Variants in SPSB4 observed in about 807,000 individuals in gnomAD.
The protein encoded by SPSB4 is SPRY domain-containing SOCS box protein 4.
Under a neutral mutation model 20.9 loss-of-function variants are expected in SPSB4, and 21 were observed. The ratio of observed to expected loss-of-function variants is 1.01; its 90% CI spans 0.71 to 1.45. The LOEUF (loss-of-function observed/expected upper bound fraction) is 1.45, where lower values mean the gene tolerates loss of function less well. SPSB4 is among the 40% of genes most tolerant of loss of function. The probability of loss-of-function intolerance (pLI) is 0.00; values close to 1 mark genes in which losing one functional copy is unlikely to be tolerated. For missense variants in SPSB4, 399 were observed against 399.2 expected (o/e 1.00, Z 0.00); for synonymous variants, 207 against 183.8 (o/e 1.13, Z -1.02).
At chr3:141,104,131 G>A (rs1938653057) in intron 2 of SPSB4, among the ~76,000 whole-genome samples, 1 of 152,188 alleles carries the variant, frequency 6.6e-6, no homozygotes, top group Non-Finnish European at 1.5e-5. Context: ...TATCTAGTGA[G>A]GGGTACAGAC....
At chr3:141,108,847 G>A (rs1028431647) in intron 2 of SPSB4, among the ~76,000 whole-genome samples, 20 of 152,198 alleles carry the variant, frequency 1.3e-4, no homozygotes, top group South Asian at 4.1e-4. Context: ...GGAGAAGACC[G>A]AAAGCAGCAT....
chr3:141,064,676 C>T (rs1937829259), intron 1 of SPSB4, among the ~76,000 whole-genome samples: 1 of 152,158 alleles, frequency 6.6e-6, no homozygotes, highest in South Asian at 2.1e-4. Context: ...AACACCCATC[C>T]ATCTCCTCAT....
chr3:141,104,086 A>T lies in SPSB4; in HGVS notation c.694+37288A>T, dbSNP rs185358515. Among the ~76,000 whole-genome samples, 380 of 152,332 alleles carry T rather than the reference A, an allele frequency of 2.5e-3. 2 individuals carry two copies. Among genetic ancestry groups the T allele is most frequent in the Non-Finnish European group, 4.5e-3 (303 of 68,032 alleles). ...CAGCAGTGAAATAAATAATACCAGC[A>T]TTAAACTATAAAGCAGCCCCTAGAA... On this transcript the variant is annotated intron_variant, in intron 2 of 2. Transcript: ENST00000310546.
At chr3:141,087,516 G>A (rs1461286498) in intron 2 of SPSB4, among the ~76,000 whole-genome samples, 1 of 152,190 alleles carries the variant, frequency 6.6e-6, no homozygotes, top group Non-Finnish European at 1.5e-5. Context: ...GCCCCCAGTT[G>A]TAGGGTCCCA....
At chr3:141,079,906 A>G (rs1205013558) in intron 2 of SPSB4, among the ~76,000 whole-genome samples, 1 of 152,076 alleles carries the variant, frequency 6.6e-6, no homozygotes, top group Non-Finnish European at 1.5e-5. Flanking sequence ...CATGGCTGGC[A>G]GGGCTGGGGA....
intron 2 of SPSB4, 21 bp downstream of exon 2, chr3:141,066,819 G>C: frequency 6.6e-7 from 1 of 1,506,376 alleles, no homozygotes; most frequent in Non-Finnish European, 8.9e-7. Context: ...CTGGGCTGGG[G>C]GGCAGGGCTT....
intron 2 of SPSB4, among the ~76,000 whole-genome samples, chr3:141,075,692 C>G (rs529967590): frequency 6.6e-6 from 1 of 152,098 alleles, no homozygotes; most frequent in African/African-American, 2.4e-5. Context: ...CACAGCTTAT[C>G]CCCACGCCCC....
intron 2 of SPSB4, among the ~76,000 whole-genome samples, chr3:141,120,230 G>A (rs920188270): frequency 2.0e-5 from 3 of 152,202 alleles, no homozygotes; most frequent in Non-Finnish European, 4.4e-5. Context: ...GGGGTTTTGA[G>A]TGAGTTTCTT....
chr3:141,064,963 AGGG>A (rs1937835940), intron 1 of SPSB4, among the ~76,000 whole-genome samples: 1 of 152,188 alleles, frequency 6.6e-6, no homozygotes, highest in African/African-American at 2.4e-5. Flanking sequence ...ATCCAAAGGG[AGGG>A]GATCCACATG....
intron 2 of SPSB4, among the ~76,000 whole-genome samples, chr3:141,096,580 A>G (rs1938550217): frequency 6.6e-6 from 1 of 152,122 alleles, no homozygotes; most frequent in Non-Finnish European, 1.5e-5. Context: ...GAGTATGGAG[A>G]CCATTTGGGT....
intron 2 of SPSB4, among the ~76,000 whole-genome samples, chr3:141,078,581 G>A (rs1262779500): frequency 6.6e-6 from 1 of 152,252 alleles, no homozygotes; most frequent in Non-Finnish European, 1.5e-5. Context: ...ACAAAGGAAA[G>A]GTGTGTTTAG....
At chr3:141,107,366 T>C (rs1286386472) in intron 2 of SPSB4, among the ~76,000 whole-genome samples, 1 of 151,994 alleles carries the variant, frequency 6.6e-6, no homozygotes, top group African/African-American at 2.4e-5. Context: ...GGTGTGTTCA[T>C]AGGAATGCAA....
intron 1 of SPSB4, among the ~76,000 whole-genome samples, chr3:141,059,921 T>C (rs890528): frequency 0.31 from 46,916 of 152,170 alleles, 11,310 homozygotes; most frequent in African/African-American, 0.67. Flanking sequence ...GAGATTAAGT[T>C]CTGGCCTAGG....
At position 141,132,530 on chromosome 3, in the gene SPSB4, A is replaced by T. The variant is rs142501118; in HGVS notation, c.695-14612A>T. Among the ~76,000 whole-genome samples the T allele has an allele frequency of 5.0e-4, 76 of 152,226 alleles. 1 individual carries two copies. In the East Asian group the frequency reaches 0.013, roughly 27 times the overall value. On this transcript the variant is annotated intron_variant, in intron 2 of 2. Coordinates refer to ENST00000310546, the MANE Select transcript of SPSB4 (RefSeq NM_080862.3). ...CTCTCATTTATAAGTGAGAACATAG[A>T]TGTTTGGTTTTCCATTCCTGAGTTA...
At chr3:141,052,380 G>A (rs985994779) in intron 1 of SPSB4, among the ~76,000 whole-genome samples, 1 of 152,198 alleles carries the variant, frequency 6.6e-6, no homozygotes, top group African/African-American at 2.4e-5. Flanking sequence ...TTTTATAGGG[G>A]TATTGGAAAG....
At position 141,112,185 on chromosome 3, in the gene SPSB4, C is replaced by T. The variant is rs531656730; in HGVS notation, c.695-34957C>T. Among the ~76,000 whole-genome samples, 7 of 152,216 alleles carry T rather than the reference C, an allele frequency of 4.6e-5. No homozygotes were observed. In the South Asian group the frequency reaches 6.2e-4, roughly 13 times the overall value. On this transcript the variant is annotated intron_variant, in intron 2 of 2. Coordinates refer to ENST00000310546, the MANE Select transcript of SPSB4 (RefSeq NM_080862.3). Reference sequence around the variant, plus strand: ...GGTGACCCCCCTGTGATCCACTTTCCTCATCTGTAAATGAAGATGCCAAGG... The same window carrying T: ...GGTGACCCCCCTGTGATCCACTTTCTTCATCTGTAAATGAAGATGCCAAGG...
intron 1 of SPSB4, among the ~76,000 whole-genome samples, chr3:141,062,866 A>C (rs776158300): frequency 6.7e-6 from 1 of 149,524 alleles, no homozygotes; most frequent in East Asian, 1.9e-4. Context: ...AAGGTATAGA[A>C]TTTGATGAAC....
intron 2 of SPSB4, among the ~76,000 whole-genome samples, chr3:141,083,296 G>T (rs1361451789): frequency 1.3e-5 from 2 of 152,142 alleles, no homozygotes; most frequent in African/African-American, 4.8e-5. Flanking sequence ...GAGGGCCCAT[G>T]GGGACTGTGT....
Position 141,066,466 on chromosome 3 carries a change from G to T in SPSB4, c.362G>T (p.Arg121Leu). The T allele has an allele frequency of 6.7e-7, 1 of 1,499,030 alleles. No homozygotes were observed. The highest frequency in any genetic ancestry group is 8.9e-7 in the Non-Finnish European group (1 of 1,124,282). The allele number at this position is 1,499,030 out of a possible 1,614,324, so 92.9% of individuals were successfully genotyped here. ...THAVVGVATA[R>L]APLHSVGYTA... is the part of the protein sequence containing the mutation. ...GCTGTAGTTGGTGTGGCCACGGCCC[G>T]TGCTCCCCTGCACTCCGTGGGCTAC... The change falls in exon 2 of 3, where the codon CGT becomes CTT. Residue 121 changes from arginine (R) to leucine (L), a missense_variant. Transcript: ENST00000310546.
Sources: gnomAD v4.1 joint callset for allele counts (sites outside exome capture counted in the v4.1 genomes callset) on GRCh38, gnomAD v4.1.1 for gene constraint, MANE v1.5 for transcripts, NCBI Gene and HGNC (gene_info 2026-07-23, HGNC 2026-07-21) for gene names.